Variants in STAC3 observed in about 807,000 individuals in gnomAD.
STAC3 encodes SH3 and cysteine-rich domain-containing protein 3.
STAC3 carries 30 observed loss-of-function variants against 48.5 expected under a neutral mutation model. That is an observed-to-expected ratio of 0.62 (90% CI 0.46 to 0.84). STAC3 has a LOEUF of 0.84. Ranked by LOEUF, STAC3 falls within the 40% of genes least tolerant of loss-of-function variation. The probability of loss-of-function intolerance (pLI) is 0.00; values close to 1 mark genes in which losing one functional copy is unlikely to be tolerated. For synonymous variants in STAC3, 144 were observed against 158.6 expected (o/e 0.91, Z 0.69); for missense variants, 419 against 462.6 (o/e 0.91, Z 0.86).
chr12:57,249,423 C>A, intron 2 of STAC3, 115 bp from the exon 3 acceptor site: 1 of 1,498,294 alleles, frequency 6.7e-7, no homozygotes, highest in East Asian at 2.3e-5. Flanking sequence ...GAATGTACCC[C>A]AGGATTAGGG....
intron 4 of STAC3, 23 bp downstream of exon 4, chr12:57,248,683 C>T: frequency 6.2e-7 from 1 of 1,603,810 alleles, no homozygotes; most frequent in Non-Finnish European, 8.5e-7. Flanking sequence ...ATGTCCCCTC[C>T]TTGCTCTCCA....
At chr12:57,245,039 G>A (rs973504588) in intron 7 of STAC3, 74 bp from the exon 8 acceptor site, 13 of 1,604,652 alleles carry the variant, frequency 8.1e-6, no homozygotes, top group Non-Finnish European at 1.1e-5. Context: ...TTTGTGGAAG[G>A]GCCTCGTCTA....
intron 1 of STAC3, among the ~76,000 whole-genome samples, chr12:57,250,643 G>C (rs886609756): frequency 3.5e-4 from 54 of 152,122 alleles, no homozygotes; most frequent in Admixed American, 1.0e-3. Context: ...GTGTGTCCTC[G>C]TGTGCACACA....
Position 57,244,605 on chromosome 12 carries a change from G to A in STAC3, c.738C>T (p.Phe246=), listed in dbSNP as rs1415136181. The part of the protein sequence containing the change: ...TPDDKHKQPG[F]QQSHYFVALY... ...GAGCCACAAAGTAATGAGACTGCTG[G>A]AAGCCAGGCTGCTTGTGCTGGGGGT... The change falls in exon 9 of 12, where the codon TTC becomes TTT. Residue 246 remains phenylalanine (F), a synonymous_variant. Transcript: ENST00000332782. 6.2e-7 allele frequency: 1 copy of A among 1,614,242 alleles called. No homozygotes were observed. The highest frequency in any genetic ancestry group is 1.1e-5 in the South Asian group (1 of 91,088).
chr12:57,244,868 T>C, intron 8 of STAC3, 48 bp downstream of exon 8: 1 of 1,607,668 alleles, frequency 6.2e-7, no homozygotes, highest in Non-Finnish European at 8.5e-7. Context: ...GTGTCAGAGC[T>C]GGGTTGGGGA....
chr12:57,247,419 A>ATTTTTT (rs1360362639), intron 5 of STAC3, among the ~76,000 whole-genome samples: 41 of 88,660 alleles, frequency 4.6e-4, no homozygotes, highest in African/African-American at 1.8e-3. Context: ...TATTATTATT[A>ATTTTTT]TTATTATTAT....
chr12:57,246,106 T>C (rs1382126126), intron 6 of STAC3, among the ~76,000 whole-genome samples: 2 of 83,726 alleles, frequency 2.4e-5, no homozygotes, highest in Non-Finnish European at 4.4e-5. Context: ...CGAAACTCTA[T>C]CTCAAAAAAA....
rs186536452 is a variant in STAC3 at position 57,250,961 on chromosome 12, G to A, written c.-2+32C>T. ...ATCAGGGCAGCTGGGGTGAGCAGTCGTGGAAATCAAGAGGATGAAGAGGTA... is the reference window on the plus strand; with the variant it reads ...ATCAGGGCAGCTGGGGTGAGCAGTCATGGAAATCAAGAGGATGAAGAGGTA... On this transcript the variant is annotated intron_variant, in intron 1 of 11. Coordinates refer to ENST00000332782, the MANE Select transcript of STAC3 (RefSeq NM_145064.3). The A allele has an allele frequency of 6.3e-5, 19 of 300,664 alleles. No individual in the cohort carries two copies. The East Asian group carries it at 7.1e-4, about 11-fold the overall frequency. 18.6% of individuals were successfully genotyped at this position (300,664 alleles called of 1,614,324 possible). A position where few individuals can be genotyped will look rare whatever the true frequency, so the allele number is the denominator to read the frequency against.
chr12:57,248,297 G>A, intron 4 of STAC3, 99 bp from the exon 5 acceptor site: 1 of 998,246 alleles, frequency 1.0e-6, no homozygotes, highest in Non-Finnish European at 1.6e-6. Context: ...AAAAGAGATG[G>A]GCTGAGAAAG....
chr12:57,249,431 G>A, intron 2 of STAC3, 123 bp from the exon 3 acceptor site: 1 of 1,481,176 alleles, frequency 6.8e-7, no homozygotes, highest in Non-Finnish European at 9.1e-7. Flanking sequence ...CCCAGGATTA[G>A]GGGGGTATTG....
At position 57,249,838 on chromosome 12, in the gene STAC3, C is replaced by G. The variant is rs146782594; in HGVS notation, c.-1-201G>C. The G allele has an allele frequency of 2.1e-3, 1,112 of 528,798 alleles. 8 individuals are homozygous for G. Among genetic ancestry groups the G allele is most frequent in the African/African-American group, 0.019 (1,015 of 52,362 alleles). 32.8% of individuals were successfully genotyped at this position (528,798 alleles called of 1,614,324 possible). ...TGGCGTGATCATGGCTCACTGCAGC[C>G]TCGACCTCCCAGCCTGAAGCGATCC... On this transcript the variant is annotated intron_variant, in intron 1 of 11. Coordinates refer to ENST00000332782, the MANE Select transcript of STAC3 (RefSeq NM_145064.3).
intron 5 of STAC3, among the ~76,000 whole-genome samples, chr12:57,247,480 C>A: frequency 7.4e-6 from 1 of 134,638 alleles, no homozygotes; most frequent in Non-Finnish European, 1.5e-5. Flanking sequence ...GTCACCCAGG[C>A]TGGAGTACAG....
Position 57,243,708 on chromosome 12 carries a change from C to G in STAC3, c.*104G>C. 1.8e-6 allele frequency: 2 copies of G among 1,095,468 alleles called. No homozygotes were observed. The highest frequency in any genetic ancestry group is 2.7e-6 in the Non-Finnish European group (2 of 729,914). 67.9% of individuals were successfully genotyped at this position (1,095,468 alleles called of 1,614,324 possible). Reference sequence around the variant, plus strand: ...TCGCGCTCAGGCGGGCCTTCCTACCCCTCCTCTCCCAGCAGTCCCGTTGCT... The same window carrying G: ...TCGCGCTCAGGCGGGCCTTCCTACCGCTCCTCTCCCAGCAGTCCCGTTGCT... On this transcript the variant is annotated 3_prime_UTR_variant, in exon 12 of 12. Coordinates refer to ENST00000332782, the MANE Select transcript of STAC3 (RefSeq NM_145064.3).
chr12:57,249,504 A>C (rs1282519423), intron 2 of STAC3, 67 bp downstream of exon 2: 5 of 1,589,250 alleles, frequency 3.1e-6, no homozygotes, highest in African/African-American at 1.3e-5. Context: ...GATCAATTTA[A>C]GCACTCTTCT....
chr12:57,245,293 G>T, intron 6 of STAC3, 82 bp from the exon 7 acceptor site: 1 of 1,227,384 alleles, frequency 8.1e-7, no homozygotes. Flanking sequence ...GAGAACTATA[G>T]AATAATGGGA....
At position 57,244,177 on chromosome 12, in the gene STAC3, G is replaced by C; in HGVS notation, c.907C>G (p.Arg303Gly). ...VGFFPPNFII[R>G]VRAGERVHRV... ...TGCACACGTTCTCCAGCCCGGACCC[G>C]AATGATGAAGTTTGGAGGGAAAAAT... The change falls in exon 11 of 12, where the codon CGG becomes GGG. Residue 303 changes from arginine to glycine, a missense_variant. Arg to Gly is a moderately radical substitution (Grantham distance 125). Coordinates refer to ENST00000332782, the MANE Select transcript of STAC3 (RefSeq NM_145064.3). 1 of 1,614,118 alleles carries C rather than the reference G, an allele frequency of 6.2e-7. No individual in the cohort carries two copies. Among genetic ancestry groups the C allele is most frequent in the South Asian group, 1.1e-5 (1 of 91,076 alleles).
At chr12:57,243,974 G>A in intron 11 of STAC3, 64 bp from the exon 12 acceptor site, 2 of 1,606,920 alleles carry the variant, frequency 1.2e-6, no homozygotes, top group Admixed American at 1.7e-5. Context: ...AGGACAGCAG[G>A]GGAGCCGGGG....
In STAC3 at chr12:57,247,425, A is replaced by ATTT. The variant is rs1227095476; in HGVS notation, c.506-525_506-524insAAA. 4.1e-3 allele frequency among the ~76,000 whole-genome samples: 239 copies of ATTT among 58,886 alleles called. 4 individuals are homozygous for ATTT. Among genetic ancestry groups the ATTT allele is most frequent in the East Asian group, 0.012 (19 of 1,548 alleles). 38.6% of individuals were successfully genotyped at this position (58,886 alleles called of 152,430 possible). ...CCAAATTATTATTATTATTATTATT[A>ATTT]TTATTTTTTTTTTTTTTTTTTTTTT... On this transcript the variant is annotated intron_variant, in intron 5 of 11. Coordinates refer to ENST00000332782, the MANE Select transcript of STAC3 (RefSeq NM_145064.3).
At position 57,244,196 on chromosome 12, in the gene STAC3, GA is replaced by G; in HGVS notation, c.887del (p.Phe296SerfsTer18). On this transcript the variant is annotated frameshift_variant, in exon 11 of 12. Coordinates refer to ENST00000332782, the MANE Select transcript of STAC3 (RefSeq NM_145064.3). LOFTEE classifies it high-confidence loss of function. ...GGACCCGAATGATGAAGTTTGGAGG[GA>G]AAAATCCGACCTTCTCCCCGATTTT... is the stretch of plus-strand genomic sequence containing the variant. ...RGKIGEKVGF[F>X]PPNFIIRVRA... 6.2e-7 allele frequency: 1 copy of G among 1,614,118 alleles called. No individual in the cohort carries two copies.
Sources: allele counts gnomAD v4.1 joint callset (sites outside exome capture counted in the v4.1 genomes callset), GRCh38; gene constraint gnomAD v4.1.1; transcripts MANE v1.5; gene names NCBI Gene and HGNC (gene_info 2026-07-23, HGNC 2026-07-21).